ATP8A2: variants seen among roughly 807,000 people sequenced by gnomAD.
ATP8A2 encodes the protein ATPase phospholipid transporting 8A2.
ATP8A2 carries 100 observed loss-of-function variants against 165.6 expected under a neutral mutation model. That is an observed-to-expected ratio of 0.60 (90% confidence interval 0.51 to 0.71). The LOEUF (loss-of-function observed/expected upper bound fraction) is 0.71. Among genes scored for constraint, ATP8A2 ranks in the 30% least tolerant of loss-of-function variants. The pLI, the probability that ATP8A2 is intolerant of heterozygous loss-of-function variation, is 0.00. For synonymous variants in ATP8A2, 543 were observed against 548.8 expected, an observed-to-expected ratio of 0.99 and a Z score of 0.15; for missense variants, 1,227 against 1,479.5, an observed-to-expected ratio of 0.83 and a Z score of 2.80.
chr13:25,866,147 CT>C (rs1446468146), intron 33 of ATP8A2, among the ~76,000 whole-genome samples: 1 of 152,190 alleles, frequency 6.6e-6, no homozygotes, highest in East Asian at 1.9e-4. Flanking sequence ...TTTCCCAGCA[CT>C]TCTGACTTTA....
At chr13:25,624,034 A>G (rs1468054913) in intron 24 of ATP8A2, among the ~76,000 whole-genome samples, 1 of 151,968 alleles carries the variant, frequency 6.6e-6, no homozygotes, top group Non-Finnish European at 1.5e-5. Flanking sequence ...GTTAGTTAAG[A>G]CTTCATGGTA....
chr13:25,391,292 T>G (rs529765523), intron 1 of ATP8A2, among the ~76,000 whole-genome samples: 146 of 152,320 alleles, frequency 9.6e-4, no homozygotes, highest in African/African-American at 3.1e-3. Context: ...CAGTAATTTC[T>G]CCCTACTCTG....
At chr13:25,994,830 T>A (rs1156546699) in intron 35 of ATP8A2, among the ~76,000 whole-genome samples, 1 of 152,138 alleles carries the variant, frequency 6.6e-6, no homozygotes, top group Non-Finnish European at 1.5e-5. Flanking sequence ...GGACTGGGGC[T>A]TTCTTTTTTT....
chr13:25,479,433 G>C (rs1033583815), intron 2 of ATP8A2, among the ~76,000 whole-genome samples: 2 of 152,062 alleles, frequency 1.3e-5, no homozygotes, highest in African/African-American at 4.8e-5. Context: ...TTATTTTCTT[G>C]TAATTGCATT....
At chr13:25,523,117 CAAAA>C (rs749414873) in intron 2 of ATP8A2, among the ~76,000 whole-genome samples, 8 of 75,964 alleles carry the variant, frequency 1.1e-4, no homozygotes, top group East Asian at 7.5e-4. Flanking sequence ...GACTCTGTCT[CAAAA>C]AAAAAAAAAA....
At chr13:25,999,855 G>A (rs990020448) in intron 35 of ATP8A2, among the ~76,000 whole-genome samples, 2 of 152,156 alleles carry the variant, frequency 1.3e-5, no homozygotes, top group East Asian at 1.9e-4. Context: ...TGGAGGGCTC[G>A]TAGTTCCGTG....
At chr13:25,865,624 T>C (rs546260739) in intron 33 of ATP8A2, among the ~76,000 whole-genome samples, 6 of 152,318 alleles carry the variant, frequency 3.9e-5, no homozygotes, top group South Asian at 2.1e-4. Flanking sequence ...GGCTATAGAA[T>C]TGAATTATTC....
At chr13:25,688,055 C>T (rs1355852945) in intron 24 of ATP8A2, among the ~76,000 whole-genome samples, 1 of 152,070 alleles carries the variant, frequency 6.6e-6, no homozygotes. Flanking sequence ...CTTTACAGGC[C>T]TGGGATACTC....
At chr13:25,531,175 A>T (rs952600564) in intron 4 of ATP8A2, among the ~76,000 whole-genome samples, 42 of 83,662 alleles carry the variant, frequency 5.0e-4, no homozygotes, top group Non-Finnish European at 6.7e-4. Flanking sequence ...ATGTTATATG[A>T]TATATATATG....
chr13:25,928,880 T>G (rs923697525), intron 33 of ATP8A2, among the ~76,000 whole-genome samples: 9 of 152,174 alleles, frequency 5.9e-5, no homozygotes. Context: ...ATCGGAAACG[T>G]TCTGAGACCT....
At chr13:25,674,066 C>T (rs1279446166) in intron 24 of ATP8A2, among the ~76,000 whole-genome samples, 1 of 152,308 alleles carries the variant, frequency 6.6e-6, no homozygotes, top group African/African-American at 2.4e-5. Flanking sequence ...CTGCCATAAA[C>T]GGAGACTTCG....
intron 2 of ATP8A2, among the ~76,000 whole-genome samples, chr13:25,481,169 T>C (rs1477670547): frequency 1.4e-5 from 2 of 145,434 alleles, no homozygotes; most frequent in African/African-American, 2.7e-5. Context: ...AGGGAGACCG[T>C]GGGGAGAGGG....
At position 25,553,454 on chromosome 13, in the gene ATP8A2, GTCT is replaced by G. The variant is rs2038884831; in HGVS notation, c.1058-334_1058-332del. On this transcript the variant is annotated intron_variant, in intron 11 of 36. Transcript: ENST00000381655. ...TTCCTTACAACCATTTCAAAGGCCT[GTCT>G]TCTTTTCTACATTCTTTCAAGTTTG... Among the ~76,000 whole-genome samples, 3 of 152,276 alleles carry G rather than the reference GTCT, an allele frequency of 2.0e-5. No homozygotes were observed. The South Asian group carries it at 6.2e-4, about 32-fold the overall frequency.
intron 2 of ATP8A2, among the ~76,000 whole-genome samples, chr13:25,477,292 T>C (rs2036022083): frequency 6.6e-6 from 1 of 152,268 alleles, no homozygotes; most frequent in Admixed American, 6.5e-5. Flanking sequence ...CTTCCCAAAT[T>C]CTGTTAACTC....
chr13:25,959,252 A>G (rs1361042861), intron 33 of ATP8A2, among the ~76,000 whole-genome samples: 1 of 152,214 alleles, frequency 6.6e-6, no homozygotes, highest in Non-Finnish European at 1.5e-5. Context: ...TGTGTTCTGT[A>G]GAAGAAACAG....
At chr13:25,764,889 T>C (rs763460191) in intron 25 of ATP8A2, among the ~76,000 whole-genome samples, 1 of 152,202 alleles carries the variant, frequency 6.6e-6, no homozygotes, top group Non-Finnish European at 1.5e-5. Flanking sequence ...AGCCCCTCTT[T>C]GACAACCAGG....
chr13:25,518,270 A>T (rs552342722), intron 2 of ATP8A2, among the ~76,000 whole-genome samples: 72 of 152,342 alleles, frequency 4.7e-4, no homozygotes, highest in African/African-American at 1.6e-3. Context: ...AAGGTGAATG[A>T]TATCCTATCG....
chr13:25,732,298 G>A (rs2043668363), intron 25 of ATP8A2, among the ~76,000 whole-genome samples: 1 of 152,198 alleles, frequency 6.6e-6, no homozygotes, highest in Non-Finnish European at 1.5e-5. Flanking sequence ...CCAGAATTCG[G>A]AATATGGGGC....
chr13:25,764,496 T>C (rs574130406), intron 25 of ATP8A2, among the ~76,000 whole-genome samples: 1 of 152,332 alleles, frequency 6.6e-6, no homozygotes, highest in East Asian at 1.9e-4. Context: ...ACCTGTGGTA[T>C]TGTCTAGGCC....
Sources: gnomAD v4.1 joint callset for allele counts (sites outside exome capture counted in the v4.1 genomes callset) on GRCh38, gnomAD v4.1.1 for gene constraint, MANE v1.5 for transcripts, NCBI Gene and HGNC (gene_info 2026-07-23, HGNC 2026-07-21) for gene names.